MED13L: variants seen among roughly 807,000 people sequenced by gnomAD.
MED13L encodes mediator of RNA polymerase II transcription subunit 13-like.
A neutral mutation model predicts 220.9 loss-of-function variants in MED13L; 7 were observed. The ratio of observed to expected loss-of-function variants is 0.03; its 90% CI spans 0.02 to 0.06. MED13L has a LOEUF of 0.06. Ranked by LOEUF, MED13L falls within the 10% of genes least tolerant of loss-of-function variation. The probability of loss-of-function intolerance (pLI) is 1.00; values close to 1 mark genes in which losing one functional copy is unlikely to be tolerated. For missense variants in MED13L, 1,965 were observed against 2,760.5 expected (o/e 0.71, Z 6.46); for synonymous variants, 1,011 against 1,015.2 (o/e 1.00, Z 0.08).
chr12:116,276,671 C>G, intron 1 of MED13L: 4 of 1,177,608 alleles, frequency 3.4e-6, no homozygotes, highest in Non-Finnish European at 4.3e-6. Context: ...GGTTGCCGAT[C>G]GGAGGCGCGG....
intron 2 of MED13L, among the ~76,000 whole-genome samples, chr12:116,153,029 A>G (rs1188211545): frequency 6.6e-6 from 1 of 152,132 alleles, no homozygotes; most frequent in African/African-American, 2.4e-5. Flanking sequence ...TTAAGAGCAG[A>G]GATAAGTTAC....
rs569758571 is a variant in MED13L at position 115,999,415 on chromosome 12, C to T, written c.2570-2185G>A. Among the ~76,000 whole-genome samples the T allele has an allele frequency of 7.9e-5, 12 of 152,070 alleles. No individual in the cohort carries two copies. In the East Asian group the frequency reaches 1.7e-3, roughly 22 times the overall value. ...CAAAAAAAAAAAAAGTTCATCTACG[C>T]TTGAAATAAATCCATCACCTTTAAC... is the stretch of plus-strand genomic sequence containing the variant. On this transcript the variant is annotated intron_variant, in intron 14 of 30. Coordinates refer to ENST00000281928, the MANE Select transcript of MED13L (RefSeq NM_015335.5).
At chr12:116,197,812 C>T (rs1441292293) in intron 2 of MED13L, among the ~76,000 whole-genome samples, 1 of 151,570 alleles carries the variant, frequency 6.6e-6, no homozygotes, top group African/African-American at 2.4e-5. Context: ...TCACCAGCTG[C>T]TAGCTAAAAA....
intron 4 of MED13L, among the ~76,000 whole-genome samples, chr12:116,041,861 A>C (rs1184533115): frequency 6.6e-6 from 1 of 152,150 alleles, no homozygotes; most frequent in Non-Finnish European, 1.5e-5. Context: ...CAAACAAACA[A>C]ACAAACCATA....
chr12:116,274,547 G>C (rs900551936), intron 1 of MED13L, among the ~76,000 whole-genome samples: 1 of 150,966 alleles, frequency 6.6e-6, no homozygotes, highest in African/African-American at 2.4e-5. Flanking sequence ...AAATAACTAT[G>C]ATATACAATG....
chr12:116,251,308 CTTTTTTTTTTTTTT>C (rs61533775), intron 1 of MED13L, among the ~76,000 whole-genome samples: 2 of 87,876 alleles, frequency 2.3e-5, no homozygotes, highest in African/African-American at 9.0e-5. Flanking sequence ...ATCATGGATC[CTTTTTTTTTTTTTT>C]TTTTTTTTTT....
intron 2 of MED13L, among the ~76,000 whole-genome samples, chr12:116,221,182 C>T (rs1375819987): frequency 6.6e-6 from 1 of 151,968 alleles, no homozygotes; most frequent in Non-Finnish European, 1.5e-5. Flanking sequence ...CAAGACCAAT[C>T]TGGACAACAC....
At position 116,245,992 on chromosome 12, in the gene MED13L, C is replaced by G. The variant is rs545647007; in HGVS notation, c.73-8287G>C. On this transcript the variant is annotated intron_variant, in intron 1 of 30. Coordinates refer to ENST00000281928, the MANE Select transcript of MED13L (RefSeq NM_015335.5). ...CTGTAAACTTTCAGCACACTGCAGACTAAGAGAAAATCCTCCAAGTTTCCA... is the reference window on the plus strand; with the variant it reads ...CTGTAAACTTTCAGCACACTGCAGAGTAAGAGAAAATCCTCCAAGTTTCCA... Among the ~76,000 whole-genome samples the G allele has an allele frequency of 5.9e-5, 9 of 152,208 alleles. No homozygotes were observed. The East Asian group carries it at 1.7e-3, about 29-fold the overall frequency.
intron 13 of MED13L, among the ~76,000 whole-genome samples, chr12:116,003,574 C>T (rs998664859): frequency 2.0e-5 from 3 of 151,776 alleles, no homozygotes; most frequent in Admixed American, 2.0e-4. Context: ...TTATCTTCAC[C>T]AAAAATAACC....
intron 7 of MED13L, among the ~76,000 whole-genome samples, chr12:116,016,343 C>A (rs745858180): frequency 6.6e-6 from 1 of 152,104 alleles, no homozygotes; most frequent in African/African-American, 2.4e-5. Flanking sequence ...GGAAATGAAG[C>A]GCTCTTCTTT....
chr12:116,170,659 G>A (rs2138181398), intron 2 of MED13L, among the ~76,000 whole-genome samples: 1 of 148,046 alleles, frequency 6.8e-6, no homozygotes, highest in Non-Finnish European at 1.5e-5. Context: ...AGGGTACAGT[G>A]GTGCGATCTT....
At chr12:116,168,301 G>A (rs752852786) in intron 2 of MED13L, among the ~76,000 whole-genome samples, 41 of 151,116 alleles carry the variant, frequency 2.7e-4, no homozygotes, top group Non-Finnish European at 4.6e-4. Flanking sequence ...TCCACGAATA[G>A]TGTCTTGTGC....
intron 28 of MED13L, among the ~76,000 whole-genome samples, chr12:115,968,011 T>C (rs895360458): frequency 1.3e-5 from 2 of 150,258 alleles, no homozygotes; most frequent in East Asian, 2.0e-4. Flanking sequence ...ATAAACCTTT[T>C]TTCTCTCCAG....
chr12:116,041,578 C>T (rs1354823670), intron 4 of MED13L, among the ~76,000 whole-genome samples: 6 of 152,340 alleles, frequency 3.9e-5, no homozygotes, highest in Middle Eastern at 6.8e-3. Flanking sequence ...GGCGCGGTGG[C>T]TCATGCCTGC....
chr12:116,253,784 C>T (rs1871794607), intron 1 of MED13L, among the ~76,000 whole-genome samples: 1 of 97,546 alleles, frequency 1.0e-5, no homozygotes, highest in Non-Finnish European at 1.8e-5. Context: ...TTTTTTGAGA[C>T]AGTCTCACTC....
At chr12:116,087,905 G>A (rs1048375094) in intron 4 of MED13L, among the ~76,000 whole-genome samples, 1 of 152,148 alleles carries the variant, frequency 6.6e-6, no homozygotes, top group African/African-American at 2.4e-5. Context: ...AGGATGGTAT[G>A]CAACGTCAAG....
intron 2 of MED13L, 142 bp from the exon 3 acceptor site, chr12:116,111,654 T>C: frequency 1.5e-6 from 1 of 687,650 alleles, no homozygotes; most frequent in Non-Finnish European, 2.5e-6. Context: ...AAACAGAGAG[T>C]GGAATTTAAG....
At chr12:116,092,085 T>C (rs563154581) in intron 4 of MED13L, among the ~76,000 whole-genome samples, 1 of 152,374 alleles carries the variant, frequency 6.6e-6, no homozygotes, top group Admixed American at 6.5e-5. Context: ...TGCATGATTA[T>C]GTAAGTCCAA....
intron 3 of MED13L, among the ~76,000 whole-genome samples, chr12:116,106,218 T>A (rs1240590271): frequency 6.6e-6 from 1 of 152,206 alleles, no homozygotes; most frequent in Non-Finnish European, 1.5e-5. Flanking sequence ...TATGGTATCT[T>A]GAAGCAGGCC....
Sources: allele counts gnomAD v4.1 joint callset (sites outside exome capture counted in the v4.1 genomes callset), GRCh38; gene constraint gnomAD v4.1.1; transcripts MANE v1.5; gene names NCBI Gene and HGNC (gene_info 2026-07-23, HGNC 2026-07-21).